Variants in MCCC1 observed in about 807,000 individuals in gnomAD.
MCCC1 encodes the protein methylcrotonoyl-CoA carboxylase subunit alpha, mitochondrial.
MCCC1 carries 64 observed loss-of-function variants against 83.8 expected under a neutral mutation model. The observed-to-expected ratio is 0.76, with a 90% CI of 0.62 to 0.94. MCCC1 has a LOEUF of 0.94. Among genes scored for constraint, MCCC1 ranks in the 40% least tolerant of loss-of-function variants. MCCC1 has a pLI of 0.00. For synonymous variants in MCCC1, 322 were observed against 315.4 expected (o/e 1.02, Z -0.22); for missense variants, 807 against 904.7 (o/e 0.89, Z 1.39).
intron 1 of MCCC1, among the ~76,000 whole-genome samples, chr3:183,110,865 G>A (rs1429749423): frequency 3.3e-5 from 5 of 152,000 alleles, no homozygotes; most frequent in Non-Finnish European, 5.9e-5. Flanking sequence ...ATGGCTAGCC[G>A]GTTATCACAG....
intron 7 of MCCC1, among the ~76,000 whole-genome samples, chr3:183,070,054 A>G (rs1560255546): frequency 6.6e-6 from 1 of 152,186 alleles, no homozygotes; most frequent in African/African-American, 2.4e-5. Context: ...AACAGTACTT[A>G]CCTAATGAGG....
upstream of MCCC1, among the ~76,000 whole-genome samples, chr3:183,102,775 T>G (rs1038664943): frequency 2.1e-3 from 204 of 95,180 alleles, 10 homozygotes; most frequent in African/African-American, 8.8e-3. Context: ...TTTTTTTTTT[T>G]TTTTTTTTTT....
At chr3:183,045,635 C>G (rs1241895591) in intron 9 of MCCC1, 95 bp from the exon 10 acceptor site, 11 of 1,298,070 alleles carry the variant, frequency 8.5e-6, no homozygotes, top group Non-Finnish European at 1.1e-5. Flanking sequence ...TTACCGCTGT[C>G]TTCATTCAAT....
At chr3:183,095,161 T>C in intron 1 of MCCC1, among the ~76,000 whole-genome samples, 1 of 151,920 alleles carries the variant, frequency 6.6e-6, no homozygotes, top group Non-Finnish European at 1.5e-5. Context: ...CGGGCACCTG[T>C]AGTCCCAGCT....
intron 1 of MCCC1, among the ~76,000 whole-genome samples, chr3:183,114,282 G>T (rs1318575075): frequency 1.3e-5 from 2 of 151,942 alleles, no homozygotes; most frequent in East Asian, 3.9e-4. Flanking sequence ...CTGTAAAATT[G>T]TTTTAACTAG....
upstream of MCCC1, among the ~76,000 whole-genome samples, chr3:183,103,609 G>A (rs1337093250): frequency 6.6e-6 from 1 of 152,198 alleles, no homozygotes; most frequent in African/African-American, 2.4e-5. Flanking sequence ...ACAAACCTTG[G>A]TGTATTTACA....
At chr3:183,036,383 T>C (rs1378937003) in intron 13 of MCCC1, among the ~76,000 whole-genome samples, 5 of 152,012 alleles carry the variant, frequency 3.3e-5, no homozygotes, top group Non-Finnish European at 7.4e-5. Context: ...TCTCCAGTCT[T>C]AGATTGTCTT....
intron 11 of MCCC1, 99 bp downstream of exon 11, chr3:183,041,468 T>A: frequency 7.9e-7 from 1 of 1,268,200 alleles, no homozygotes; most frequent in Non-Finnish European, 1.1e-6. Context: ...TAAAATATGC[T>A]AGACAGTTCT....
chr3:183,114,104 G>A (rs1220061761), intron 1 of MCCC1, among the ~76,000 whole-genome samples: 1 of 152,110 alleles, frequency 6.6e-6, no homozygotes, highest in South Asian at 2.1e-4. Flanking sequence ...TGCAATTAAC[G>A]GATAAGATAC....
At chr3:183,104,659 T>C (rs537526086) in intron 1 of MCCC1, among the ~76,000 whole-genome samples, 5 of 152,168 alleles carry the variant, frequency 3.3e-5, no homozygotes, top group South Asian at 2.1e-4. Flanking sequence ...GAGAAAATGG[T>C]CAAAGAATAT....
At chr3:183,051,890 C>T (rs1715007913) in intron 9 of MCCC1, among the ~76,000 whole-genome samples, 1 of 152,040 alleles carries the variant, frequency 6.6e-6, no homozygotes, top group Non-Finnish European at 1.5e-5. Flanking sequence ...AAAAATCAAT[C>T]TAGTGATTTT....
Position 183,039,130 on chromosome 3 carries a change from C to T in MCCC1, c.1273G>A (p.Glu425Lys), listed in dbSNP as rs369093010. The change falls in exon 12 of 19, where the codon GAA (glutamate) becomes AAA (lysine). Residue 425 changes from glutamate (E) to lysine (K), a missense_variant. Transcript: ENST00000265594. ...ATGGGGTCATAATGCACGGAAACTTCGTCTCCTGAAATTGAAAACCACGGT... is the reference window on the plus strand; with the variant it reads ...ATGGGGTCATAATGCACGGAAACTTTGTCTCCTGAAATTGAAAACCACGGT... Reference protein sequence around the residue: ...RIETGVRQGDEVSVHYDPMIA... With the variant: ...RIETGVRQGDKVSVHYDPMIA... 35 of 1,614,070 alleles carry T rather than the reference C, an allele frequency of 2.2e-5. No individual in the cohort carries two copies. Among genetic ancestry groups the T allele is most frequent in the Non-Finnish European group, 2.9e-5 (34 of 1,180,026 alleles).
intron 7 of MCCC1, among the ~76,000 whole-genome samples, chr3:183,066,390 C>T (rs894644911): frequency 1.8e-4 from 28 of 152,150 alleles, no homozygotes; most frequent in African/African-American, 6.3e-4. Flanking sequence ...CTGCAACCTC[C>T]GCCTCCCAGG....
chr3:183,025,258 C>T (rs1310904358), intron 15 of MCCC1, among the ~76,000 whole-genome samples: 3 of 152,166 alleles, frequency 2.0e-5, no homozygotes, highest in Admixed American at 2.0e-4. Context: ...AACTTGAATG[C>T]ACTGAATGCA....
intron 1 of MCCC1, chr3:183,115,365 T>C (rs1719572130): frequency 6.6e-6 from 1 of 152,162 alleles, no homozygotes; most frequent in Non-Finnish European, 1.5e-5. Context: ...GGGTGTTAAA[T>C]ACCATGTTCA....
intron 17 of MCCC1, among the ~76,000 whole-genome samples, chr3:183,018,347 C>T (rs113776335): frequency 4.3e-3 from 265 of 60,948 alleles, no homozygotes; most frequent in Non-Finnish European, 4.6e-3. Context: ...AGGTCAAATG[C>T]ACTGGTCAAA....
At chr3:183,092,372 T>G in intron 3 of MCCC1, 37 bp downstream of exon 3, 1 of 1,613,744 alleles carries the variant, frequency 6.2e-7, no homozygotes, top group Non-Finnish European at 8.5e-7. Context: ...AGTAAACGAA[T>G]AAACGTAAGA....
Position 183,020,165 on chromosome 3 carries a change from C to T in MCCC1, c.1942G>A (p.Gly648Ser), listed in dbSNP as rs149017703. 9.6e-4 allele frequency: 1,556 copies of T among 1,613,866 alleles called. No homozygotes were observed. The highest frequency in any genetic ancestry group is 1.3e-3 in the Non-Finnish European group (1,479 of 1,179,904). Residue 648 changes from glycine to serine, a missense_variant, in exon 17 of 19, where the codon GGC (glycine) becomes AGC (serine). Gly to Ser is a moderately conservative substitution (Grantham distance 56, BLOSUM62 0). Coordinates refer to ENST00000265594, the MANE Select transcript of MCCC1 (RefSeq NM_020166.5). ...GTTCCAGTCATAGGAGCTAAGGGGC[C>T]GCCCTGAGTTTCTTGTGAGCTCACA... ...SSVSSQETQG[G>S]PLAPMTGTIE...
chr3:183,056,868 A>G (rs1047361741), intron 8 of MCCC1, among the ~76,000 whole-genome samples: 4 of 152,164 alleles, frequency 2.6e-5, no homozygotes, highest in East Asian at 1.9e-4. Context: ...CTAATTTTGT[A>G]TTTTTAGTAG....
Sources: allele counts gnomAD v4.1 joint callset (sites outside exome capture counted in the v4.1 genomes callset), GRCh38; gene constraint gnomAD v4.1.1; transcripts MANE v1.5; gene names NCBI Gene and HGNC (gene_info 2026-07-23, HGNC 2026-07-21).